ANGPT1: variants seen among roughly 807,000 people sequenced by gnomAD.
The protein encoded by ANGPT1 is angiopoietin-1.
A neutral mutation model predicts 62.2 loss-of-function variants in ANGPT1; 17 were observed. That is an observed-to-expected ratio of 0.27 (90% CI 0.19 to 0.41). The LOEUF is 0.41. Among genes scored for constraint, ANGPT1 ranks in the 10% least tolerant of loss-of-function variants. ANGPT1 has a pLI of 1.00. For synonymous variants in ANGPT1, 199 were observed against 198.9 expected, an observed-to-expected ratio of 1.00 and a Z score of 0.00; for missense variants, 478 against 594.9, an observed-to-expected ratio of 0.80 and a Z score of 2.04.
chr8:107,379,359 T>G (rs979034439), intron 1 of ANGPT1, among the ~76,000 whole-genome samples: 22 of 152,206 alleles, frequency 1.4e-4, no homozygotes, highest in African/African-American at 5.1e-4. Context: ...TTAGTGGAAC[T>G]GGAAGTACTT....
chr8:107,272,889 TAAAA>T (rs34340048), intron 7 of ANGPT1, among the ~76,000 whole-genome samples: 23 of 144,474 alleles, frequency 1.6e-4, no homozygotes, highest in Non-Finnish European at 1.5e-5. Flanking sequence ...TAAGAATACA[TAAAA>T]AAAAAAAAAA....
intron 1 of ANGPT1, among the ~76,000 whole-genome samples, chr8:107,480,967 T>A (rs1041719202): frequency 6.6e-6 from 1 of 152,150 alleles, no homozygotes; most frequent in African/African-American, 2.4e-5. Context: ...TTTTTTTGGA[T>A]CTTCAAGGCA....
At chr8:107,305,157 T>C (rs1388915262) in intron 4 of ANGPT1, among the ~76,000 whole-genome samples, 1 of 151,910 alleles carries the variant, frequency 6.6e-6, no homozygotes, top group Admixed American at 6.6e-5. Flanking sequence ...CTTTATTCTG[T>C]TGGAAAGTTG....
chr8:107,389,946 A>AAAAT (rs1816802373), intron 1 of ANGPT1, among the ~76,000 whole-genome samples: 1 of 133,408 alleles, frequency 7.5e-6, no homozygotes, highest in Non-Finnish European at 1.6e-5. Flanking sequence ...AAAAAAAAAA[A>AAAAT]AAAATCATGC....
intron 4 of ANGPT1, among the ~76,000 whole-genome samples, chr8:107,311,367 T>C (rs1460239389): frequency 6.6e-6 from 1 of 152,188 alleles, no homozygotes; most frequent in East Asian, 1.9e-4. Flanking sequence ...TTCAATTTTC[T>C]CTTCCAAAAA....
At chr8:107,395,459 T>TC (rs1816917214) in intron 1 of ANGPT1, among the ~76,000 whole-genome samples, 1 of 152,150 alleles carries the variant, frequency 6.6e-6, no homozygotes, top group Non-Finnish European at 1.5e-5. Flanking sequence ...CCATATATAA[T>TC]CCACAAGTTT....
intron 1 of ANGPT1, among the ~76,000 whole-genome samples, chr8:107,486,990 A>T (rs1341757603): frequency 1.3e-5 from 2 of 152,148 alleles, no homozygotes; most frequent in African/African-American, 4.8e-5. Flanking sequence ...TGTTAATTGC[A>T]GGTGCTAAGC....
At chr8:107,420,566 C>A (rs1293609959) in intron 1 of ANGPT1, among the ~76,000 whole-genome samples, 1 of 152,150 alleles carries the variant, frequency 6.6e-6, no homozygotes, top group African/African-American at 2.4e-5. Flanking sequence ...AGTTGTACAT[C>A]TTCCCAATCA....
At chr8:107,305,334 A>G (rs1814688459) in intron 4 of ANGPT1, among the ~76,000 whole-genome samples, 1 of 151,898 alleles carries the variant, frequency 6.6e-6, no homozygotes, top group African/African-American at 2.4e-5. Flanking sequence ...CTATGGAGAA[A>G]ATGCTTCTCT....
At chr8:107,405,580 A>G (rs1051660408) in intron 1 of ANGPT1, among the ~76,000 whole-genome samples, 1 of 152,018 alleles carries the variant, frequency 6.6e-6, no homozygotes, top group African/African-American at 2.4e-5. Context: ...AGGTGTATAT[A>G]AAACATAAAT....
chr8:107,446,790 T>C (rs1811635222), intron 1 of ANGPT1, among the ~76,000 whole-genome samples: 1 of 152,210 alleles, frequency 6.6e-6, no homozygotes, highest in Non-Finnish European at 1.5e-5. Context: ...ATCTTCTATA[T>C]GCTTGAGGCT....
chr8:107,367,417 G>A (rs1339417468), intron 1 of ANGPT1, among the ~76,000 whole-genome samples: 1 of 152,184 alleles, frequency 6.6e-6, no homozygotes, highest in Non-Finnish European at 1.5e-5. Context: ...GTTGATGACT[G>A]CTGACTGATC....
chr8:107,301,125 C>T (rs961667875), intron 5 of ANGPT1, among the ~76,000 whole-genome samples: 1 of 151,922 alleles, frequency 6.6e-6, no homozygotes, highest in Non-Finnish European at 1.5e-5. Flanking sequence ...CCCCTTCCCA[C>T]AGACCACATG....
At chr8:107,495,321 G>T (rs1366727645) in intron 1 of ANGPT1, among the ~76,000 whole-genome samples, 2 of 152,140 alleles carry the variant, frequency 1.3e-5, no homozygotes, top group Admixed American at 6.5e-5. Context: ...TGTAACCAAA[G>T]AACATTTTAA....
intron 2 of ANGPT1, among the ~76,000 whole-genome samples, chr8:107,342,596 T>C (rs1353368597): frequency 6.6e-6 from 1 of 151,960 alleles, no homozygotes; most frequent in Non-Finnish European, 1.5e-5. Context: ...AGATGGCTGG[T>C]CAAATTTGAC....
At chr8:107,316,920 T>C (rs1205476590) in intron 4 of ANGPT1, among the ~76,000 whole-genome samples, 2 of 152,182 alleles carry the variant, frequency 1.3e-5, no homozygotes, top group Admixed American at 6.5e-5. Context: ...ATTCTCAAAT[T>C]CTCTGTAGAG....
In ANGPT1 at chr8:107,277,233, G is replaced by T. The variant is rs143391337; in HGVS notation, c.1205+7449C>A. Among the ~76,000 whole-genome samples the T allele has an allele frequency of 4.0e-3, 609 of 152,050 alleles. 5 individuals carry two copies. Among genetic ancestry groups the T allele is most frequent in the African/African-American group, 0.014 (564 of 41,524 alleles). On this transcript the variant is annotated intron_variant, in intron 7 of 8. Coordinates refer to ENST00000517746, the MANE Select transcript of ANGPT1 (RefSeq NM_001146.5). ...ATAGCATAAAAGACAACAAAATAAT[G>T]AACTGTAAGGAACAAACTGTTCCCA...
chr8:107,376,760 T>C (rs974631564), intron 1 of ANGPT1, among the ~76,000 whole-genome samples: 1 of 152,208 alleles, frequency 6.6e-6, no homozygotes, highest in Non-Finnish European at 1.5e-5. Flanking sequence ...AGTCTGACTT[T>C]CGGTTCTCAC....
chr8:107,369,612 T>A (rs575504028), intron 1 of ANGPT1, among the ~76,000 whole-genome samples: 1 of 152,278 alleles, frequency 6.6e-6, no homozygotes, highest in South Asian at 2.1e-4. Flanking sequence ...ATGCTAGAGA[T>A]GTACAATTCT....
Sources: allele counts gnomAD v4.1 joint callset (sites outside exome capture counted in the v4.1 genomes callset), GRCh38; gene constraint gnomAD v4.1.1; transcripts MANE v1.5; gene names NCBI Gene and HGNC (gene_info 2026-07-23, HGNC 2026-07-21).